The following MARCHF1 variants were observed in gnomAD, a reference collection of about 807,000 sequenced individuals.
MARCHF1 encodes E3 ubiquitin-protein ligase MARCHF1.
MARCHF1 carries 40 observed loss-of-function variants against 54.2 expected under a neutral mutation model. That is an observed-to-expected ratio of 0.74 (90% CI 0.57 to 0.96). The LOEUF is 0.96. Ranked by LOEUF, MARCHF1 falls within the 40% of genes least tolerant of loss-of-function variation. The pLI, the probability that MARCHF1 is intolerant of heterozygous loss-of-function variation, is 0.00. For synonymous variants in MARCHF1, 236 were observed against 236.3 expected, an observed-to-expected ratio of 1.00 and a Z score of 0.01; for missense variants, 586 against 656.5, an observed-to-expected ratio of 0.89 and a Z score of 1.17.
chr4:164,010,051 A>G lies in MARCHF1; in HGVS notation c.-247-21342T>C, dbSNP rs1335494066. ...AGCTTTAGAAAAACCTAAAGACTCC[A>G]TCAAAAAACTCTTTTTTTTTTTTTT... is the stretch of plus-strand genomic sequence containing the variant. On this transcript the variant is annotated intron_variant, in intron 2 of 9. Transcript: ENST00000514618. Among the ~76,000 whole-genome samples, 4 of 142,306 alleles carry G rather than the reference A, an allele frequency of 2.8e-5. No individual in the cohort carries two copies. The East Asian group carries it at 8.6e-4, about 31-fold the overall frequency. 93.4% of individuals were successfully genotyped at this position (142,306 alleles called of 152,430 possible).
chr4:163,783,755 C>A (rs543120902), intron 4 of MARCHF1, among the ~76,000 whole-genome samples: 1 of 152,266 alleles, frequency 6.6e-6, no homozygotes, highest in East Asian at 1.9e-4. Context: ...TATTTTTGAA[C>A]TCTCTTTAAT....
chr4:164,264,210 A>G (rs1038332309), intron 1 of MARCHF1, among the ~76,000 whole-genome samples: 1 of 152,216 alleles, frequency 6.6e-6, no homozygotes, highest in African/African-American at 2.4e-5. Context: ...TGGACCCTCT[A>G]TCATCCTTAG....
chr4:164,357,745 C>A (rs996830703), intron 1 of MARCHF1, among the ~76,000 whole-genome samples: 1 of 152,140 alleles, frequency 6.6e-6, no homozygotes, highest in Non-Finnish European at 1.5e-5. Flanking sequence ...ACAATGGGTA[C>A]TGAAGTGTCA....
At chr4:164,072,160 G>A (rs547177701) in intron 2 of MARCHF1, among the ~76,000 whole-genome samples, 40 of 152,248 alleles carry the variant, frequency 2.6e-4, no homozygotes, top group African/African-American at 7.5e-4. Context: ...AAGGATATAC[G>A]CAGTGAGAGT....
intron 3 of MARCHF1, among the ~76,000 whole-genome samples, chr4:163,919,516 C>T (rs1051224260): frequency 1.3e-5 from 2 of 151,794 alleles, no homozygotes; most frequent in African/African-American, 2.4e-5. Flanking sequence ...TTTTCTTTCT[C>T]TCTATATTAC....
At chr4:163,814,959 T>G (rs1196227902) in intron 4 of MARCHF1, among the ~76,000 whole-genome samples, 2 of 152,140 alleles carry the variant, frequency 1.3e-5, no homozygotes, top group Non-Finnish European at 2.9e-5. Flanking sequence ...AAGCTGAATT[T>G]TTTTCTGGCA....
At chr4:163,892,389 A>G (rs1480239699) in intron 3 of MARCHF1, among the ~76,000 whole-genome samples, 1 of 152,084 alleles carries the variant, frequency 6.6e-6, no homozygotes, top group African/African-American at 2.4e-5. Context: ...CAAACACTTC[A>G]AGTTTGTCAC....
chr4:163,894,572 TGCATGTG>T (rs1364976349), intron 3 of MARCHF1, among the ~76,000 whole-genome samples: 4 of 144,914 alleles, frequency 2.8e-5, no homozygotes, highest in African/African-American at 1.0e-4. Flanking sequence ...TATATATATA[TGCATGTG>T]ATGCATATAT....
intron 8 of MARCHF1, among the ~76,000 whole-genome samples, chr4:163,561,588 A>G (rs760035682): frequency 3.3e-5 from 5 of 152,196 alleles, no homozygotes; most frequent in African/African-American, 4.8e-5. Flanking sequence ...CACGTTTTGA[A>G]TGCCAATTTA....
intron 4 of MARCHF1, among the ~76,000 whole-genome samples, chr4:163,852,145 G>A (rs911459558): frequency 6.6e-6 from 1 of 152,090 alleles, no homozygotes; most frequent in African/African-American, 2.4e-5. Context: ...ATGAGGTGTA[G>A]TAGAAAAAGC....
intron 1 of MARCHF1, among the ~76,000 whole-genome samples, chr4:164,148,206 C>T (rs751596835): frequency 3.3e-5 from 5 of 151,000 alleles, no homozygotes; most frequent in African/African-American, 7.3e-5. Context: ...TAACAGAGGA[C>T]GAAAAAGATA....
At chr4:163,814,557 C>T (rs950578902) in intron 4 of MARCHF1, among the ~76,000 whole-genome samples, 1 of 152,090 alleles carries the variant, frequency 6.6e-6, no homozygotes, top group Non-Finnish European at 1.5e-5. Context: ...GCACTCTAGC[C>T]TGGGCGACAG....
At chr4:164,207,606 G>A (rs1032783896) in intron 1 of MARCHF1, among the ~76,000 whole-genome samples, 3 of 152,178 alleles carry the variant, frequency 2.0e-5, no homozygotes, top group Non-Finnish European at 2.9e-5. Flanking sequence ...TGAGGCAGCT[G>A]CAGCCTAGAG....
intron 1 of MARCHF1, among the ~76,000 whole-genome samples, chr4:164,372,950 G>A (rs564297285): frequency 1.3e-5 from 2 of 151,634 alleles, no homozygotes; most frequent in African/African-American, 2.4e-5. Flanking sequence ...ATAAATCTTC[G>A]CATTTCCTTC....
At chr4:163,600,740 G>T (rs1384072862) in intron 7 of MARCHF1, among the ~76,000 whole-genome samples, 1 of 152,080 alleles carries the variant, frequency 6.6e-6, no homozygotes. Flanking sequence ...TGTTAAAGTG[G>T]GCCTCAGAGG....
At chr4:163,792,901 A>C (rs1241005801) in intron 4 of MARCHF1, among the ~76,000 whole-genome samples, 2 of 152,222 alleles carry the variant, frequency 1.3e-5, no homozygotes, top group Non-Finnish European at 2.9e-5. Context: ...AGCTCTGAAT[A>C]GACCCAGGCT....
rs34047038 is a variant in MARCHF1, at chr4:164,211,397, CAT to C, written c.-322-99737_-322-99736del. Among the ~76,000 whole-genome samples the C allele has an allele frequency of 1.5e-3, 217 of 146,092 alleles. 1 individual carries two copies. Among genetic ancestry groups the C allele is most frequent in the African/African-American group, 4.1e-3 (164 of 40,000 alleles). On this transcript the variant is annotated intron_variant, in intron 1 of 9. Coordinates refer to ENST00000514618, the MANE Select transcript of MARCHF1 (RefSeq NM_001394959.1). ...ATATTTGTATATATATACACACACA[CAT>C]ATATATATATATACCAATTGCATAA...
At position 164,326,518 on chromosome 4, in the gene MARCHF1, C is replaced by G. The variant is rs536486105; in HGVS notation, c.-323+57352G>C. Among the ~76,000 whole-genome samples, 23 of 152,124 alleles carry G rather than the reference C, an allele frequency of 1.5e-4. 1 individual carries two copies. The highest frequency in any genetic ancestry group is 5.3e-4 in the African/African-American group (22 of 41,494). Reference sequence around the variant, plus strand: ...TGCTAGCAAAATTGTGGCTACTGGACAGTGAAGAACATAGTACAAGGGAAA... The same window carrying G: ...TGCTAGCAAAATTGTGGCTACTGGAGAGTGAAGAACATAGTACAAGGGAAA... On this transcript the variant is annotated intron_variant, in intron 1 of 9. Coordinates refer to ENST00000514618, the MANE Select transcript of MARCHF1 (RefSeq NM_001394959.1).
intron 7 of MARCHF1, among the ~76,000 whole-genome samples, chr4:163,603,096 T>C (rs997519379): frequency 2.6e-5 from 4 of 152,008 alleles, no homozygotes; most frequent in Non-Finnish European, 5.9e-5. Flanking sequence ...ACCTAGACAA[T>C]GGGTGACTCT....
Sources: gnomAD v4.1 joint callset for allele counts (sites outside exome capture counted in the v4.1 genomes callset) on GRCh38, gnomAD v4.1.1 for gene constraint, MANE v1.5 for transcripts, NCBI Gene and HGNC (gene_info 2026-07-23, HGNC 2026-07-21) for gene names.